BRSK1: variants seen among roughly 807,000 people sequenced by gnomAD.
BRSK1 encodes the protein serine/threonine-protein kinase BRSK1.
In BRSK1, 17 loss-of-function variants were observed where a neutral mutation model predicts 86.2. The ratio of observed to expected loss-of-function variants is 0.20; its 90% confidence interval spans 0.14 to 0.30. The LOEUF (loss-of-function observed/expected upper bound fraction) is 0.30. Among genes scored for constraint, BRSK1 ranks in the 10% least tolerant of loss-of-function variants. The probability of loss-of-function intolerance (pLI) is 1.00; values close to 1 mark genes in which losing one functional copy is unlikely to be tolerated. For missense variants in BRSK1, 719 were observed against 1,071.9 expected (o/e 0.67, Z 4.60); for synonymous variants, 464 against 440.1 (o/e 1.05, Z -0.68).
At chr19:55,300,464 A>G (rs1224944116) in intron 7 of BRSK1, among the ~76,000 whole-genome samples, 1 of 152,190 alleles carries the variant, frequency 6.6e-6, no homozygotes, top group African/African-American at 2.4e-5. Context: ...GCACTTTGGG[A>G]GGCTGAGGCG....
chr19:55,299,577 G>C (rs2088541494), intron 7 of BRSK1, among the ~76,000 whole-genome samples: 1 of 151,904 alleles, frequency 6.6e-6, no homozygotes, highest in South Asian at 2.1e-4. Flanking sequence ...GTAGAGATGG[G>C]GTTTCACCAC....
chr19:55,290,779 C>T (rs2088393026), intron 4 of BRSK1, among the ~76,000 whole-genome samples: 1 of 151,996 alleles, frequency 6.6e-6, no homozygotes, highest in Admixed American at 6.6e-5. Context: ...GTAGCTGGGA[C>T]TACAGGCGCC....
intron 7 of BRSK1, among the ~76,000 whole-genome samples, chr19:55,300,695 C>G (rs779500634): frequency 6.6e-6 from 1 of 152,102 alleles, no homozygotes; most frequent in Non-Finnish European, 1.5e-5. Flanking sequence ...AAAAATTAGC[C>G]GGGCATAGTG....
intron 4 of BRSK1, among the ~76,000 whole-genome samples, chr19:55,290,525 T>G (rs2088387920): frequency 6.6e-6 from 1 of 152,224 alleles, no homozygotes; most frequent in Non-Finnish European, 1.5e-5. Context: ...TTTAAATTAT[T>G]TTCTCCAAGT....
intron 4 of BRSK1, among the ~76,000 whole-genome samples, chr19:55,292,386 C>T (rs994924730): frequency 3.3e-5 from 5 of 152,138 alleles, no homozygotes; most frequent in African/African-American, 9.7e-5. Flanking sequence ...CTGGGATGTC[C>T]TACAAACTAA....
rs1338491828 is a variant in BRSK1, at chr19:55,304,652, C to T, written c.1449C>T (p.Pro483=). 4.0e-6 allele frequency: 6 copies of T among 1,513,900 alleles called. No homozygotes were observed. The highest frequency in any genetic ancestry group is 2.3e-5 in the Admixed American group (1 of 44,316). 93.8% of individuals were successfully genotyped at this position (1,513,900 alleles called of 1,614,324 possible). ...CGCAGACGCTGCCTTCTCGGGGCCC[C>T]AGGGGTGGGGGCGCCGGGGAGCAGC... The part of the protein sequence containing the change: ...SKTQTLPSRG[P]RGGGAGEQPP... Residue 483 remains proline (P), a synonymous_variant, in exon 14 of 19, where the codon CCC becomes CCT. Coordinates refer to ENST00000309383, the MANE Select transcript of BRSK1 (RefSeq NM_032430.2). The surrounding 1 kb of genome is among the most constrained non-coding windows in gnomAD (Gnocchi z 5.2).
chr19:55,285,293 C>T (rs942510898), intron 1 of BRSK1, among the ~76,000 whole-genome samples: 3 of 151,538 alleles, frequency 2.0e-5, no homozygotes, highest in African/African-American at 4.9e-5. Context: ...GGGAGGAGGG[C>T]GGTCGGAACC....
rs775807269 is a variant in BRSK1 at position 55,308,586 on chromosome 19, C to T, written c.2090-53C>T. ...ACTGGGTTCTGCAGGCTGGGACGGC[C>T]TTCCCGGTCCTGGACCCCCAGTCAG... On this transcript the variant is annotated intron_variant, in intron 17 of 18. Transcript: ENST00000309383. 3.4e-5 allele frequency: 49 copies of T among 1,444,814 alleles called. No individual in the cohort carries two copies. The Admixed American group carries it at 4.2e-4, about 12-fold the overall frequency. The allele number at this position is 1,444,814 out of a possible 1,614,324, so 89.5% of individuals were successfully genotyped here.
At chr19:55,311,110 T>C (rs1455297284) in intron 18 of BRSK1, among the ~76,000 whole-genome samples, 1 of 152,060 alleles carries the variant, frequency 6.6e-6, no homozygotes, top group Non-Finnish European at 1.5e-5. Flanking sequence ...TACAGGTGCG[T>C]GCCACCACAC....
chr19:55,308,591 C>T (rs375364475), intron 17 of BRSK1, 48 bp from the exon 18 acceptor site: 81 of 1,495,048 alleles, frequency 5.4e-5, no homozygotes, highest in Non-Finnish European at 6.8e-5. Context: ...ACGGCCTTCC[C>T]GGTCCTGGAC....
chr19:55,311,804 G>A (rs568687535), intron 18 of BRSK1, 107 bp from the exon 19 acceptor site: 42 of 1,189,204 alleles, frequency 3.5e-5, no homozygotes, highest in East Asian at 2.1e-4. Context: ...CTAGAGCCTC[G>A]GGGTTACTGA....
Position 55,294,010 on chromosome 19 carries a change from G to C in BRSK1, c.459-7G>C. 6.2e-7 allele frequency: 1 copy of C among 1,608,040 alleles called. No individual in the cohort carries two copies. Among genetic ancestry groups the C allele is most frequent in the Non-Finnish European group, 8.5e-7 (1 of 1,176,538 alleles). On this transcript the variant is annotated splice_polypyrimidine_tract_variant and splice_region_variant and intron_variant, in intron 4 of 18. Transcript: ENST00000309383. This position sits in a 1 kb window ranked among gnomAD's most constrained non-coding sequence, Gnocchi z 4.9. ...GAAGAGGCCTGAGTCCCACCTGGCTGTCTCAGCCACAGAGACCTAAAGCCC... is the reference window on the plus strand; with the variant it reads ...GAAGAGGCCTGAGTCCCACCTGGCTCTCTCAGCCACAGAGACCTAAAGCCC...
intron 8 of BRSK1, 27 bp downstream of exon 8, chr19:55,301,685 G>C (rs376141815): frequency 6.2e-7 from 1 of 1,603,746 alleles, no homozygotes; most frequent in Admixed American, 1.7e-5. Flanking sequence ...ACCGGCGGAG[G>C]GGGGAACAGT....
rs879255957 is a variant in BRSK1, at chr19:55,286,702, A to AG, written c.137-305_137-304insG. ...ACAGACTCGGGGAGACACGGTGAGG[A>AG]AAGAATGCGTGGCAGGCGGGCTCCC... On this transcript the variant is annotated intron_variant, in intron 1 of 18. Transcript: ENST00000309383. Among the ~76,000 whole-genome samples the AG allele has an allele frequency of 5.1e-3, 773 of 151,084 alleles. 5 individuals are homozygous for AG. The highest frequency in any genetic ancestry group is 0.018 in the African/African-American group (750 of 41,082).
In BRSK1 at chr19:55,294,412, C is replaced by T. The variant is rs2088454955; in HGVS notation, c.678+15C>T. Reference sequence around the variant, plus strand: ...CCCTGCTCGTGGTAAGGCGCCCTCACCTCTCCTGTCATTTCTAGATCAATC... The same window carrying T: ...CCCTGCTCGTGGTAAGGCGCCCTCATCTCTCCTGTCATTTCTAGATCAATC... On this transcript the variant is annotated intron_variant, in intron 7 of 18. Coordinates refer to ENST00000309383, the MANE Select transcript of BRSK1 (RefSeq NM_032430.2). This position sits in a 1 kb window ranked among gnomAD's most constrained non-coding sequence, Gnocchi z 4.9. The T allele has an allele frequency of 1.9e-6, 3 of 1,612,930 alleles. No homozygotes were observed. Among genetic ancestry groups the T allele is most frequent in the African/African-American group, 1.3e-5 (1 of 74,902 alleles).
In BRSK1 at chr19:55,284,346, G is replaced by C. The variant is rs1247630418; in HGVS notation, c.-97G>C. 21 of 898,504 alleles carry C rather than the reference G, an allele frequency of 2.3e-5. No individual in the cohort carries two copies. Among genetic ancestry groups the C allele is most frequent in the Non-Finnish European group, 2.9e-5 (20 of 678,720 alleles). The allele number at this position is 898,504 out of a possible 1,614,324, so 55.7% of individuals were successfully genotyped here. On this transcript the variant is annotated 5_prime_UTR_variant, in exon 1 of 19. Coordinates refer to ENST00000309383, the MANE Select transcript of BRSK1 (RefSeq NM_032430.2). The stretch of plus-strand genomic sequence containing the variant: ...GGAGAGGTGGGGGGCAGCCGGGGGG[G>C]CCGGGACGGAGCGGTCGCCGGCCCC...
chr19:55,293,053 A>G (rs2088432144), intron 4 of BRSK1, among the ~76,000 whole-genome samples: 1 of 151,618 alleles, frequency 6.6e-6, no homozygotes, highest in South Asian at 2.1e-4. Flanking sequence ...AGCAATGCCC[A>G]TCTCTAAAAA....
Position 55,302,014 on chromosome 19 carries a change from C to A in BRSK1, c.826-123C>A. 8.7e-7 allele frequency: 1 copy of A among 1,155,446 alleles called. No individual in the cohort carries two copies. The highest frequency in any genetic ancestry group is 1.3e-6 in the Non-Finnish European group (1 of 765,756). 71.6% of individuals were successfully genotyped at this position (1,155,446 alleles called of 1,614,324 possible). ...CTAGAGGGCGATGTAATATGTCATCCTGCCCCCGGTGGGGTGGGCGGGGAG... is the reference window on the plus strand; with the variant it reads ...CTAGAGGGCGATGTAATATGTCATCATGCCCCCGGTGGGGTGGGCGGGGAG... On this transcript the variant is annotated intron_variant, in intron 8 of 18. Transcript: ENST00000309383. This position sits in a 1 kb window ranked among gnomAD's most constrained non-coding sequence, Gnocchi z 6.3.
At chr19:55,301,163 G>A (rs2088563900) in intron 7 of BRSK1, among the ~76,000 whole-genome samples, 1 of 152,232 alleles carries the variant, frequency 6.6e-6, no homozygotes, top group African/African-American at 2.4e-5. Context: ...CTGTGCAAGG[G>A]CAGAGGCCTG....
Sources: allele counts gnomAD v4.1 joint callset (sites outside exome capture counted in the v4.1 genomes callset), GRCh38; gene constraint gnomAD v4.1.1; non-coding constraint Gnocchi (gnomAD v3.1); transcripts MANE v1.5; gene names NCBI Gene and HGNC (gene_info 2026-07-23, HGNC 2026-07-21).